The following FAM227B variants were observed in gnomAD, a reference collection of about 807,000 sequenced individuals.
FAM227B encodes family with sequence similarity 227 member B, also known as protein FAM227B.
FAM227B carries 88 observed loss-of-function variants against 73.8 expected under a neutral mutation model. The observed-to-expected ratio is 1.19, with a 90% CI of 1.00 to 1.42. The LOEUF (loss-of-function observed/expected upper bound fraction) is 1.42. Ranked by LOEUF, FAM227B falls within the 40% of genes most tolerant of loss-of-function variation. FAM227B has a pLI of 0.00. For synonymous variants in FAM227B, 210 were observed against 190.5 expected, an observed-to-expected ratio of 1.10 and a Z score of -0.84; for missense variants, 632 against 590.9, an observed-to-expected ratio of 1.07 and a Z score of -0.72.
chr15:49,545,306 T>A (rs986037085), intron 9 of FAM227B, among the ~76,000 whole-genome samples: 2 of 152,174 alleles, frequency 1.3e-5, no homozygotes, highest in Admixed American at 6.5e-5. Context: ...ATAGTAGCCC[T>A]AAATGATCTT....
intron 11 of FAM227B, among the ~76,000 whole-genome samples, chr15:49,470,480 C>T (rs1251225685): frequency 6.6e-6 from 1 of 152,112 alleles, no homozygotes; most frequent in Non-Finnish European, 1.5e-5. Flanking sequence ...TACAAAACCA[C>T]TATCACTTCA....
chr15:49,466,513 T>G (rs1224780390), intron 11 of FAM227B, among the ~76,000 whole-genome samples: 1 of 152,160 alleles, frequency 6.6e-6, no homozygotes, highest in African/African-American at 2.4e-5. Flanking sequence ...AAGAGGTTTT[T>G]GTTTGCTTTT....
At position 49,522,392 on chromosome 15, in the gene FAM227B, G is replaced by C. The variant is rs527736478; in HGVS notation, c.875-14044C>G. 3.3e-5 allele frequency among the ~76,000 whole-genome samples: 5 copies of C among 152,286 alleles called. No individual in the cohort carries two copies. The South Asian group carries it at 1.0e-3, about 32-fold the overall frequency. ...AAAAACTCTGGAAGCAAATAAGACAGAGTGTTTTGACATCCCCAAAGGAAT... is the reference window on the plus strand; with the variant it reads ...AAAAACTCTGGAAGCAAATAAGACACAGTGTTTTGACATCCCCAAAGGAAT... On this transcript the variant is annotated intron_variant, in intron 10 of 15. Coordinates refer to ENST00000299338, the MANE Select transcript of FAM227B (RefSeq NM_152647.3).
At chr15:49,518,467 C>G (rs1353548635) in intron 10 of FAM227B, among the ~76,000 whole-genome samples, 1 of 152,038 alleles carries the variant, frequency 6.6e-6, no homozygotes, top group East Asian at 1.9e-4. Context: ...ATACCCCAGA[C>G]TGGGTAATTT....
intron 11 of FAM227B, among the ~76,000 whole-genome samples, chr15:49,374,443 T>C (rs1412868456): frequency 6.6e-6 from 1 of 152,062 alleles, no homozygotes; most frequent in Non-Finnish European, 1.5e-5. Flanking sequence ...ATAGAGAAAA[T>C]ATAGGTATCC....
At chr15:49,385,533 A>G (rs1444105908) in intron 11 of FAM227B, among the ~76,000 whole-genome samples, 3 of 151,640 alleles carry the variant, frequency 2.0e-5, no homozygotes, top group Non-Finnish European at 4.4e-5. Context: ...CAAAAGCCCA[A>G]TACGCACCAA....
chr15:49,481,318 A>T (rs1205845884), intron 11 of FAM227B, among the ~76,000 whole-genome samples: 3 of 152,250 alleles, frequency 2.0e-5, no homozygotes, highest in Non-Finnish European at 4.4e-5. Context: ...AAATATGTTG[A>T]ATCAATGAAT....
At chr15:49,453,762 T>C (rs932747031) in intron 11 of FAM227B, among the ~76,000 whole-genome samples, 2 of 152,170 alleles carry the variant, frequency 1.3e-5, no homozygotes, top group Admixed American at 6.5e-5. Context: ...TAATGGTCAC[T>C]AGATAGCTCT....
At chr15:49,481,618 A>G (rs1199417531) in intron 11 of FAM227B, among the ~76,000 whole-genome samples, 5 of 152,158 alleles carry the variant, frequency 3.3e-5, no homozygotes, top group African/African-American at 1.2e-4. Context: ...ATTCTGCAAA[A>G]TATATGGACG....
At chr15:49,593,779 A>G (rs1183823844) in intron 3 of FAM227B, among the ~76,000 whole-genome samples, 2 of 152,138 alleles carry the variant, frequency 1.3e-5, no homozygotes, top group Non-Finnish European at 2.9e-5. Flanking sequence ...GTTCCTTTTT[A>G]TGGCTGAGTA....
intron 10 of FAM227B, among the ~76,000 whole-genome samples, chr15:49,533,523 T>G (rs1042460752): frequency 2.0e-5 from 3 of 151,924 alleles, no homozygotes; most frequent in African/African-American, 7.2e-5. Context: ...TCAGTTCTGT[T>G]AATATTTGCT....
intron 13 of FAM227B, among the ~76,000 whole-genome samples, chr15:49,348,116 A>G (rs11854667): frequency 0.42 from 63,686 of 151,722 alleles, 13,508 homozygotes; most frequent in African/African-American, 0.45. Context: ...TGGGCCACAG[A>G]TCACTCCCTG....
intron 11 of FAM227B, among the ~76,000 whole-genome samples, chr15:49,443,613 T>A (rs1022230703): frequency 3.3e-5 from 5 of 151,798 alleles, no homozygotes; most frequent in Admixed American, 2.6e-4. Flanking sequence ...CTAAAAACTA[T>A]GATCTAATTC....
At chr15:49,393,043 C>G (rs2047321143) in intron 11 of FAM227B, among the ~76,000 whole-genome samples, 1 of 152,230 alleles carries the variant, frequency 6.6e-6, no homozygotes, top group Non-Finnish European at 1.5e-5. Context: ...CAAAGGAGTA[C>G]ATAGTTACCT....
chr15:49,575,041 G>A lies in FAM227B; in HGVS notation c.615C>T (p.Ser205=). The A allele has an allele frequency of 6.3e-7, 1 of 1,597,002 alleles. No homozygotes were observed. The highest frequency in any genetic ancestry group is 2.3e-5 in the East Asian group (1 of 44,142). ...SEASIALLHD[S]FWWWFLHKFR... ...ATTTATGGAGAAACCACCACCAAAA[G>A]GAGTCATGCAAAAGAGCAATGGAGG... Residue 205 remains serine, a synonymous_variant, in exon 8 of 16, where the codon TCC becomes TCT. Coordinates refer to ENST00000299338, the MANE Select transcript of FAM227B (RefSeq NM_152647.3).
chr15:49,615,097 A>G, intron 2 of FAM227B, 24 bp downstream of exon 2: 1 of 1,606,826 alleles, frequency 6.2e-7, no homozygotes, highest in Non-Finnish European at 8.5e-7. Context: ...GTAAGTGAAC[A>G]TAAAGCTGTG....
chr15:49,464,512 C>T (rs1567327726), intron 11 of FAM227B, among the ~76,000 whole-genome samples: 2 of 152,014 alleles, frequency 1.3e-5, no homozygotes, highest in Non-Finnish European at 2.9e-5. Context: ...TGATAAAATG[C>T]TGGAAGACAG....
intron 10 of FAM227B, among the ~76,000 whole-genome samples, chr15:49,511,947 T>C (rs1597753385): frequency 6.6e-6 from 1 of 152,120 alleles, no homozygotes. Context: ...GAATGATTTA[T>C]ATTTCTTTGG....
intron 9 of FAM227B, among the ~76,000 whole-genome samples, chr15:49,549,660 C>T (rs892751617): frequency 4.0e-5 from 6 of 151,872 alleles, no homozygotes; most frequent in African/African-American, 1.2e-4. Flanking sequence ...GGTCACAGAT[C>T]AACAGGATAA....
Sources: allele counts gnomAD v4.1 joint callset (sites outside exome capture counted in the v4.1 genomes callset), GRCh38; gene constraint gnomAD v4.1.1; transcripts MANE v1.5; gene names NCBI Gene and HGNC (gene_info 2026-07-23, HGNC 2026-07-21).